The following MYO15A variants were observed in gnomAD, a reference collection of about 807,000 sequenced individuals.
The protein encoded by MYO15A is myosin XVA, also known as unconventional myosin-XV.
In MYO15A, 308 loss-of-function variants were observed where a neutral mutation model predicts 394.6. The ratio of observed to expected loss-of-function variants is 0.78; its 90% CI spans 0.71 to 0.86. The LOEUF is 0.86. MYO15A is among the 40% of genes least tolerant of loss of function. MYO15A has a pLI of 0.00. For missense variants in MYO15A, 4,606 were observed against 4,799.1 expected (o/e 0.96, Z 1.19); for synonymous variants, 1,957 against 2,003.8 (o/e 0.98, Z 0.62).
At position 18,136,585 on chromosome 17, in the gene MYO15A, T is replaced by C. The variant is rs2046278710; in HGVS notation, c.4678T>C (p.Tyr1560His). The change falls in exon 15 of 66, where the codon TAT becomes CAT. Residue 1560 changes from tyrosine to histidine, a missense_variant. Tyr to His is a moderately conservative substitution (Grantham distance 83, BLOSUM62 2). This residue lies in a region of MYO15A where 2,776 missense variants were observed against 3,109.3 expected (regional missense o/e 0.89). Transcript: ENST00000647165. Reference sequence around the variant, plus strand: ...CAGGGACGCCATCGCCAAGGTCTTGTATGCACTGCTGTTCAGCTGGCTCAT... The same window carrying C: ...CAGGGACGCCATCGCCAAGGTCTTGCATGCACTGCTGTTCAGCTGGCTCAT... The part of the protein sequence containing the change: ...DARDAIAKVL[Y>H]ALLFSWLITR... The C allele has an allele frequency of 6.2e-7, 1 of 1,614,014 alleles. No homozygotes were observed. Among genetic ancestry groups the C allele is most frequent in the Non-Finnish European group, 8.5e-7 (1 of 1,180,030 alleles).
chr17:18,121,542 G>A lies in MYO15A; in HGVS notation c.2742G>A (p.Glu914=). Residue 914 remains glutamate (E), a synonymous_variant, in exon 2 of 66, where the codon GAG becomes GAA. Transcript: ENST00000647165. This position sits in a 1 kb window ranked among gnomAD's most constrained non-coding sequence, Gnocchi z 5.3. The part of the protein sequence containing the change: ...LEHRESPREP[E]DSETPWTVPP... ...ACCGGGAGAGCCCGCGAGAACCCGA[G>A]GACTCAGAGACGCCCTGGACTGTGC... 26 of 1,578,650 alleles carry A rather than the reference G, an allele frequency of 1.6e-5. No individual in the cohort carries two copies. Among genetic ancestry groups the A allele is most frequent in the Non-Finnish European group, 2.2e-5 (26 of 1,163,080 alleles).
chr17:18,128,495 C>G lies in MYO15A; in HGVS notation c.4032+1330C>G, dbSNP rs190765217. ...GCAGTCAGGTTCCAGCCTGGCCTGG[C>G]CCCCTCTGATGCCTGCCTTGGCCTG... On this transcript the variant is annotated intron_variant, in intron 7 of 65. Transcript: ENST00000647165. Among the ~76,000 whole-genome samples the G allele has an allele frequency of 9.6e-4, 146 of 152,232 alleles. 1 individual carries two copies. The highest frequency in any genetic ancestry group is 3.2e-3 in the African/African-American group (133 of 41,518).
intron 11 of MYO15A, 65 bp from the exon 12 acceptor site, chr17:18,133,160 C>T: frequency 1.9e-6 from 3 of 1,554,044 alleles, no homozygotes; most frequent in Non-Finnish European, 1.8e-6. Context: ...CAGGGCAGAG[C>T]AGGACCTGGA....
At position 18,120,808 on chromosome 17, in the gene MYO15A, C is replaced by T. The variant is rs2045907475; in HGVS notation, c.2008C>T (p.Pro670Ser). The T allele has an allele frequency of 4.7e-6, 6 of 1,274,380 alleles. No homozygotes were observed. The highest frequency in any genetic ancestry group is 1.6e-5 in the African/African-American group (1 of 62,200). The allele number at this position is 1,274,380 out of a possible 1,614,324, so 78.9% of individuals were successfully genotyped here. The change falls in exon 2 of 66, where the codon CCA (proline) becomes TCA (serine). Residue 670 changes from proline to serine, a missense_variant. Pro to Ser is a moderately conservative substitution (Grantham distance 74). Transcript: ENST00000647165. The stretch of plus-strand genomic sequence containing the variant: ...GTCTCCGCCCGTGCCCCCGCGGCCC[C>T]CAAGCTCCGGGCCCCCGCCCGCGCC... ...LLSPPVPPRP[P>S]SSGPPPAPPL...
rs997729110 is a variant in MYO15A at position 18,118,626 on chromosome 17, C to T, written c.-175C>T. The T allele has an allele frequency of 3.4e-6, 3 of 874,568 alleles. No homozygotes were observed. Among genetic ancestry groups the T allele is most frequent in the Non-Finnish European group, 3.5e-6 (2 of 579,006 alleles). 54.2% of individuals were successfully genotyped at this position (874,568 alleles called of 1,614,324 possible). On this transcript the variant is annotated 5_prime_UTR_variant, in exon 2 of 66. Coordinates refer to ENST00000647165, the MANE Select transcript of MYO15A (RefSeq NM_016239.4). ...TAGAGGAGATGAATTATGGATCCGC[C>T]CTCCCGGAATCCTGGCTCGGCCCTC... is the stretch of plus-strand genomic sequence containing the variant.
At position 18,159,682 on chromosome 17, in the gene MYO15A, C is replaced by T; in HGVS notation, c.9303+3C>T. The T allele has an allele frequency of 1.2e-6, 2 of 1,614,114 alleles. No individual in the cohort carries two copies. Among genetic ancestry groups the T allele is most frequent in the Non-Finnish European group, 1.7e-6 (2 of 1,179,998 alleles). ...ACGTGCTTTGTAACCTCCTGAAGGT[C>T]AGTCCAGCCAACTTTGCCAGATGCC... On this transcript the variant is annotated splice_donor_region_variant and intron_variant, in intron 55 of 65. Coordinates refer to ENST00000647165, the MANE Select transcript of MYO15A (RefSeq NM_016239.4).
chr17:18,147,768 G>A lies in MYO15A; in HGVS notation c.6510-261G>A, dbSNP rs541139338. Among the ~76,000 whole-genome samples the A allele has an allele frequency of 6.6e-6, 1 of 152,196 alleles. No homozygotes were observed. The highest frequency in any genetic ancestry group is 1.5e-5 in the Non-Finnish European group (1 of 67,990). ...TCTGGACTAGCCTGGGACCCTTTCA[G>A]TTTAGCCGTGGGACTCTAAACTACC... On this transcript the variant is annotated intron_variant, in intron 30 of 65. Coordinates refer to ENST00000647165, the MANE Select transcript of MYO15A (RefSeq NM_016239.4). This position sits in a 1 kb window ranked among gnomAD's most constrained non-coding sequence, Gnocchi z 4.4.
At position 18,120,696 on chromosome 17, in the gene MYO15A, G is replaced by A. The variant is rs1158916029; in HGVS notation, c.1896G>A (p.Gln632=). 3.2e-6 allele frequency: 5 copies of A among 1,554,166 alleles called. No homozygotes were observed. The African/African-American group carries it at 5.6e-5, about 17-fold the overall frequency. The change falls in exon 2 of 66, where the codon CAG becomes CAA. Residue 632 remains glutamine (Q), a synonymous_variant. Transcript: ENST00000647165. Reference sequence around the variant, plus strand: ...CGCCCATCGTGCTGAGGAGGGCCCAGCCACGCGCTCGCAGCAGCAACGACG... The same window carrying A: ...CGCCCATCGTGCTGAGGAGGGCCCAACCACGCGCTCGCAGCAGCAACGACG... The part of the protein sequence containing the change: ...PGTPIVLRRA[Q]PRARSSNDAR...
At chr17:18,137,989 C>G in intron 16 of MYO15A, 126 bp from the exon 17 acceptor site, 1 of 1,297,500 alleles carries the variant, frequency 7.7e-7, no homozygotes, top group Non-Finnish European at 1.0e-6. Context: ...GGTGAGCTCC[C>G]TGTTCTGGGA....
In MYO15A at chr17:18,119,683, T is replaced by G. The variant is rs1460327339; in HGVS notation, c.883T>G (p.Tyr295Asp). 3.1e-6 allele frequency: 5 copies of G among 1,608,348 alleles called. No individual in the cohort carries two copies. Among genetic ancestry groups the G allele is most frequent in the Admixed American group, 1.7e-5 (1 of 60,002 alleles). ...DPYDYYHPDY[Y>D]GGPFDPGYTY... Reference sequence around the variant, plus strand: ...CTACGACTACTACCACCCCGACTATTACGGTGGCCCCTTTGATCCGGGGTA... The same window carrying G: ...CTACGACTACTACCACCCCGACTATGACGGTGGCCCCTTTGATCCGGGGTA... Residue 295 changes from tyrosine (Y) to aspartate (D), a missense_variant, in exon 2 of 66, where the codon TAC (tyrosine) becomes GAC (aspartate). Coordinates refer to ENST00000647165, the MANE Select transcript of MYO15A (RefSeq NM_016239.4).
At chr17:18,159,466 A>G in intron 54 of MYO15A, 119 bp downstream of exon 54, 4 of 1,473,668 alleles carry the variant, frequency 2.7e-6, no homozygotes, top group South Asian at 1.1e-5. Context: ...CAGCTCAGAC[A>G]TGGAACACAT....
chr17:18,149,032 C>T, intron 33 of MYO15A, 80 bp downstream of exon 33: 4 of 1,515,968 alleles, frequency 2.6e-6, no homozygotes, highest in Middle Eastern at 2.0e-4. Context: ...AAGGCCTGCC[C>T]CTCCCAGCTG....
intron 1 of MYO15A, chr17:18,110,392 T>A (rs544591544): frequency 6.6e-6 from 1 of 152,348 alleles, no homozygotes; most frequent in South Asian, 2.1e-4. Context: ...GAAGCCAGAC[T>A]GCCCAGGCTT....
Position 18,121,819 on chromosome 17 carries a change from C to T in MYO15A, c.3019C>T (p.Pro1007Ser). The T allele has an allele frequency of 1.2e-6, 2 of 1,612,874 alleles. No individual in the cohort carries two copies. The highest frequency in any genetic ancestry group is 2.2e-5 in the East Asian group (1 of 44,884). The change falls in exon 2 of 66, where the codon CCA becomes TCA. Residue 1007 changes from proline to serine, a missense_variant. By Grantham distance (74) the Pro-to-Ser change is moderately conservative (BLOSUM62 -1). Around this residue, in one of 2 missense-constraint regions of MYO15A, gnomAD observed 1,830 missense variants for 1,689.7 expected, o/e 1.08. Coordinates refer to ENST00000647165, the MANE Select transcript of MYO15A (RefSeq NM_016239.4). The surrounding 1 kb of genome is among the most constrained non-coding windows in gnomAD (Gnocchi z 5.3). ...GPGQLTKSAG[P>S]TPEKPEEEAT... Reference sequence around the variant, plus strand: ...TGGACAGCTCACCAAATCAGCTGGCCCAACCCCTGAGAAGCCTGAAGAAGA... The same window carrying T: ...TGGACAGCTCACCAAATCAGCTGGCTCAACCCCTGAGAAGCCTGAAGAAGA...
At position 18,178,479 on chromosome 17, in the gene MYO15A, G is replaced by A. The variant is rs1049512084; in HGVS notation, c.10492-290G>A. 5.5e-6 allele frequency: 3 copies of A among 543,464 alleles called. No homozygotes were observed. The African/African-American group carries it at 5.7e-5, about 10-fold the overall frequency. The allele number at this position is 543,464 out of a possible 1,614,324, so 33.7% of individuals were successfully genotyped here. On this transcript the variant is annotated intron_variant, in intron 65 of 65. Coordinates refer to ENST00000647165, the MANE Select transcript of MYO15A (RefSeq NM_016239.4). Reference sequence around the variant, plus strand: ...TTGAGACCTTACAGATGAGGCCACTGAGGCTCAGAGAGGTGAAGCGATAGA... The same window carrying A: ...TTGAGACCTTACAGATGAGGCCACTAAGGCTCAGAGAGGTGAAGCGATAGA...
chr17:18,119,971 G>A lies in MYO15A; in HGVS notation c.1171G>A (p.Ala391Thr), dbSNP rs1870554898. Reference sequence around the variant, plus strand: ...AGGCGTCTATGGCGGTGGGGACGAGGCCATCTACCCCCCCGAGGTGCCCTA... The same window carrying A: ...AGGCGTCTATGGCGGTGGGGACGAGACCATCTACCCCCCCGAGGTGCCCTA... ...AEGVYGGGDE[A>T]IYPPEVPYFY... Residue 391 changes from alanine to threonine, a missense_variant, in exon 2 of 66, where the codon GCC becomes ACC. Physicochemically the swap from Ala to Thr is moderately conservative, Grantham distance 58. This residue lies in a region of MYO15A where 1,830 missense variants were observed against 1,689.7 expected (regional missense o/e 1.08). Coordinates refer to ENST00000647165, the MANE Select transcript of MYO15A (RefSeq NM_016239.4). 11 of 1,613,546 alleles carry A rather than the reference G, an allele frequency of 6.8e-6. No homozygotes were observed. The highest frequency in any genetic ancestry group is 9.3e-6 in the Non-Finnish European group (11 of 1,180,024).
At chr17:18,176,682 T>A (rs926036118) in intron 65 of MYO15A, 2 of 152,030 alleles carry the variant, frequency 1.3e-5, no homozygotes, top group African/African-American at 4.8e-5. Flanking sequence ...ATTACAGGCA[T>A]GTGCCACCAT....
intron 44 of MYO15A, 122 bp downstream of exon 44, chr17:18,154,312 G>A (rs931461562): frequency 8.6e-7 from 1 of 1,163,814 alleles, no homozygotes; most frequent in Non-Finnish European, 1.3e-6. Context: ...CAGGGGTGAG[G>A]ATGGGCAGCT....
chr17:18,149,635 CA>C, intron 35 of MYO15A, 55 bp downstream of exon 35: 3 of 1,545,808 alleles, frequency 1.9e-6, no homozygotes, highest in Non-Finnish European at 2.7e-6. Flanking sequence ...CATGTACACC[CA>C]AGTCACACAC....
Sources: allele counts gnomAD v4.1 joint callset (sites outside exome capture counted in the v4.1 genomes callset), GRCh38; gene constraint gnomAD v4.1.1; regional missense constraint gnomAD v4.1.1; non-coding constraint Gnocchi (gnomAD v3.1); transcripts MANE v1.5; gene names NCBI Gene and HGNC (gene_info 2026-07-23, HGNC 2026-07-21).